Variants in RIMS1 observed in about 807,000 individuals in gnomAD.
The protein encoded by RIMS1 is regulating synaptic membrane exocytosis protein 1.
RIMS1 carries 83 observed loss-of-function variants against 214.1 expected under a neutral mutation model. The observed-to-expected ratio is 0.39, with a 90% CI of 0.32 to 0.47. The LOEUF is 0.47. Ranked by LOEUF, RIMS1 falls within the 20% of genes least tolerant of loss-of-function variation. RIMS1 has a pLI of 0.99. For missense variants in RIMS1, 2,050 were observed against 2,161.8 expected (o/e 0.95, Z 1.03); for synonymous variants, 793 against 786.8 (o/e 1.01, Z -0.13).
At chr6:72,039,357 G>GA (rs1219766099) in intron 2 of RIMS1, among the ~76,000 whole-genome samples, 1 of 152,096 alleles carries the variant, frequency 6.6e-6, no homozygotes, top group African/African-American at 2.4e-5. Flanking sequence ...AATACAGAGA[G>GA]AAAATGTTAA....
intron 26 of RIMS1, among the ~76,000 whole-genome samples, chr6:72,297,813 A>G (rs1043765429): frequency 1.3e-5 from 2 of 152,042 alleles, no homozygotes; most frequent in African/African-American, 2.4e-5. Flanking sequence ...GAATAGAAGC[A>G]AGGTCAAGAA....
chr6:72,199,037 A>G (rs1328686905), intron 6 of RIMS1, among the ~76,000 whole-genome samples: 1 of 152,054 alleles, frequency 6.6e-6, no homozygotes, highest in Non-Finnish European at 1.5e-5. Context: ...CCTGAATGAC[A>G]TGTGCAAAAA....
At chr6:72,068,050 T>C (rs1033024245) in intron 2 of RIMS1, among the ~76,000 whole-genome samples, 24 of 152,304 alleles carry the variant, frequency 1.6e-4, no homozygotes, top group South Asian at 1.0e-3. Flanking sequence ...TGAAAGGATG[T>C]CACTCTTTTG....
chr6:72,031,435 A>C (rs1818077295), intron 2 of RIMS1, among the ~76,000 whole-genome samples: 1 of 152,128 alleles, frequency 6.6e-6, no homozygotes, highest in African/African-American at 2.4e-5. Context: ...CTTGAGTATA[A>C]TTTGCTAGTG....
chr6:72,338,698 A>C (rs1383133981), intron 29 of RIMS1, among the ~76,000 whole-genome samples: 1 of 151,996 alleles, frequency 6.6e-6, no homozygotes, highest in Non-Finnish European at 1.5e-5. Context: ...TTATGCAGCC[A>C]AAACACACAA....
intron 4 of RIMS1, among the ~76,000 whole-genome samples, chr6:72,102,502 A>AT (rs1370852851): frequency 2.6e-5 from 4 of 152,018 alleles, no homozygotes; most frequent in African/African-American, 9.7e-5. Context: ...CAAAGTTACA[A>AT]TTTTTCAACT....
chr6:72,071,863 T>C (rs72934845), intron 2 of RIMS1, among the ~76,000 whole-genome samples: 3 of 152,244 alleles, frequency 2.0e-5, no homozygotes, highest in African/African-American at 2.4e-5. Context: ...GTAAATGACT[T>C]AGCCTGAGGA....
chr6:71,906,739 A>G (rs1341172219), intron 1 of RIMS1, among the ~76,000 whole-genome samples: 3 of 152,072 alleles, frequency 2.0e-5, no homozygotes, highest in African/African-American at 7.2e-5. Flanking sequence ...GGTCATTTAA[A>G]CCCCTCCCAA....
At chr6:72,189,546 G>A (rs1293543363) in intron 6 of RIMS1, among the ~76,000 whole-genome samples, 1 of 152,210 alleles carries the variant, frequency 6.6e-6, no homozygotes, top group Non-Finnish European at 1.5e-5. Flanking sequence ...ACAAACCACT[G>A]CCCTTTCCAT....
intron 29 of RIMS1, among the ~76,000 whole-genome samples, chr6:72,338,848 GAAGA>G (rs1035210129): frequency 1.8e-5 from 2 of 112,734 alleles, no homozygotes; most frequent in African/African-American, 3.3e-5. Context: ...ACCAACTTGT[GAAGA>G]GAGAGAGAGA....
intron 1 of RIMS1, among the ~76,000 whole-genome samples, chr6:71,953,551 A>G (rs1442535775): frequency 2.0e-5 from 3 of 152,112 alleles, no homozygotes; most frequent in Non-Finnish European, 4.4e-5. Flanking sequence ...ATTGATGTAA[A>G]TTGTTTTTGA....
At chr6:72,219,717 T>A (rs1393078763) in intron 6 of RIMS1, among the ~76,000 whole-genome samples, 2 of 151,934 alleles carry the variant, frequency 1.3e-5, no homozygotes, top group Admixed American at 1.3e-4. Flanking sequence ...AGCCCTGCAA[T>A]GTTTGTGGTT....
At chr6:72,149,730 G>A (rs1282652217) in intron 4 of RIMS1, among the ~76,000 whole-genome samples, 1 of 152,224 alleles carries the variant, frequency 6.6e-6, no homozygotes, top group Non-Finnish European at 1.5e-5. Flanking sequence ...CCCTAGAAAT[G>A]ATGCAGGATT....
At chr6:72,116,574 A>G (rs2037119074) in intron 4 of RIMS1, among the ~76,000 whole-genome samples, 1 of 151,982 alleles carries the variant, frequency 6.6e-6, no homozygotes, top group African/African-American at 2.4e-5. Flanking sequence ...TCCCTACTTT[A>G]TAGAGGTCTG....
chr6:72,316,565 G>A, intron 28 of RIMS1: 1 of 396,716 alleles, frequency 2.5e-6, no homozygotes, highest in Non-Finnish European at 4.8e-6. Context: ...GATGGGAGGT[G>A]GAGGGAGGAG....
At chr6:71,962,790 G>T in intron 1 of RIMS1, among the ~76,000 whole-genome samples, 1 of 152,114 alleles carries the variant, frequency 6.6e-6, no homozygotes, top group Admixed American at 6.6e-5. Flanking sequence ...TTTATCAATT[G>T]CATTCTACTT....
intron 29 of RIMS1, among the ~76,000 whole-genome samples, chr6:72,352,970 T>A (rs1235208423): frequency 1.3e-5 from 2 of 150,006 alleles, no homozygotes; most frequent in African/African-American, 4.9e-5. Context: ...TTTGAGAGTT[T>A]ACATTCTTTT....
chr6:72,049,034 A>G lies in RIMS1; in HGVS notation c.246-47915A>G, dbSNP rs113190215. Among the ~76,000 whole-genome samples the G allele has an allele frequency of 8.8e-4, 134 of 152,320 alleles. 1 individual carries two copies. Among genetic ancestry groups the G allele is most frequent in the African/African-American group, 3.0e-3 (125 of 41,582 alleles). On this transcript the variant is annotated intron_variant, in intron 2 of 33. Transcript: ENST00000521978. ...CTGCTGATGCAGAGGACTCAGAGTG[A>G]GGCTAAAAAGCAGGACCACCAGGGG...
intron 2 of RIMS1, among the ~76,000 whole-genome samples, chr6:72,012,288 C>A (rs940938429): frequency 6.6e-6 from 1 of 151,780 alleles, no homozygotes; most frequent in Non-Finnish European, 1.5e-5. Context: ...AATGAGAACA[C>A]GTGGACACAG....
Sources: gnomAD v4.1 joint callset for allele counts (sites outside exome capture counted in the v4.1 genomes callset) on GRCh38, gnomAD v4.1.1 for gene constraint, MANE v1.5 for transcripts, NCBI Gene and HGNC (gene_info 2026-07-23, HGNC 2026-07-21) for gene names.